The following USP6NL variants were observed in gnomAD, a reference collection of about 807,000 sequenced individuals.
USP6NL encodes USP6 N-terminal-like protein.
In USP6NL, 26 loss-of-function variants were observed where a neutral mutation model predicts 61.9. That is an observed-to-expected ratio of 0.42 (90% confidence interval 0.31 to 0.58). The LOEUF (loss-of-function observed/expected upper bound fraction) is 0.58, where lower values mean the gene tolerates loss of function less well. Among genes scored for constraint, USP6NL ranks in the 20% least tolerant of loss-of-function variants. The pLI is 0.16. For synonymous variants in USP6NL, 432 were observed against 390.1 expected (o/e 1.11, Z -1.27); for missense variants, 1,114 against 1,034.3 (o/e 1.08, Z -1.06).
rs749166148 is a variant in USP6NL at position 11,571,869 on chromosome 10, CA to C, written c.4+25761del. Among the ~76,000 whole-genome samples the C allele has an allele frequency of 2.0e-3, 268 of 132,934 alleles. 1 individual carries two copies. Among genetic ancestry groups the C allele is most frequent in the African/African-American group, 4.3e-3 (159 of 36,584 alleles). 87.2% of individuals were successfully genotyped at this position (132,934 alleles called of 152,430 possible). A position where few individuals can be genotyped will look rare whatever the true frequency, so the allele number is the denominator to read the frequency against. On this transcript the variant is annotated intron_variant, in intron 2 of 14. Transcript: ENST00000609104. ...CTATGTATATACTTCCTGTTTTTCA[CA>C]AAAAAAAAAACTGTCTGAAAAATTT... is the stretch of plus-strand genomic sequence containing the variant.
chr10:11,502,341 G>C (rs1216858549), intron 6 of USP6NL, among the ~76,000 whole-genome samples: 2 of 151,364 alleles, frequency 1.3e-5, no homozygotes, highest in African/African-American at 4.9e-5. Context: ...AGAATCTTAA[G>C]TTCAATACAC....
In USP6NL at chr10:11,518,552, T is replaced by G; in HGVS notation, c.178A>C (p.Asn60His). 6.2e-7 allele frequency: 1 copy of G among 1,613,106 alleles called. No individual in the cohort carries two copies. Among genetic ancestry groups the G allele is most frequent in the Non-Finnish European group, 8.5e-7 (1 of 1,179,634 alleles). The change falls in exon 5 of 15, where the codon AAT becomes CAT. Residue 60 changes from asparagine to histidine, a missense_variant. Asn to His is a moderately conservative substitution (Grantham distance 68). Transcript: ENST00000609104. This position sits in a 1 kb window ranked among gnomAD's most constrained non-coding sequence, Gnocchi z 5.3. ...FLHEEELPDH[N>H]VAVERQKHLE... Reference sequence around the variant, plus strand: ...GGACTTACCCGTTCCACAGCCACATTATGATCTGGGAGCTCCTCCTCACTG... The same window carrying G: ...GGACTTACCCGTTCCACAGCCACATGATGATCTGGGAGCTCCTCCTCACTG...
rs1837516900 is a variant in USP6NL at position 11,575,757 on chromosome 10, A to G, written c.4+21874T>C. Among the ~76,000 whole-genome samples the G allele has an allele frequency of 6.6e-6, 1 of 152,222 alleles. No individual in the cohort carries two copies. Among genetic ancestry groups the G allele is most frequent in the African/African-American group, 2.4e-5 (1 of 41,458 alleles). On this transcript the variant is annotated intron_variant, in intron 2 of 14. Coordinates refer to ENST00000609104, the MANE Select transcript of USP6NL (RefSeq NM_014688.5). This position sits in a 1 kb window ranked among gnomAD's most constrained non-coding sequence, Gnocchi z 4.2. The stretch of plus-strand genomic sequence containing the variant: ...TGCATCAGTAAGAATATCTGATCAC[A>G]TACTCTGATGTATGTAACTGAGCTG...
chr10:11,521,383 TTTTA>T (rs1835202294), intron 4 of USP6NL, among the ~76,000 whole-genome samples: 1 of 144,206 alleles, frequency 6.9e-6, no homozygotes, highest in African/African-American at 2.6e-5. Flanking sequence ...ATATATTTTT[TTTTA>T]AATTTTTTTT....
intron 5 of USP6NL, among the ~76,000 whole-genome samples, chr10:11,516,018 A>G (rs1157247519): frequency 6.6e-6 from 1 of 152,232 alleles, no homozygotes; most frequent in Non-Finnish European, 1.5e-5. Flanking sequence ...TCATAGTTTT[A>G]CATATCTATT....
chr10:11,518,636 A>G lies in USP6NL; in HGVS notation c.156-62T>C, dbSNP rs1272338410. Reference sequence around the variant, plus strand: ...AATCAAAACAAACTTTTAAAAGCTTATATACTTATAGATACATATGACATA... The same window carrying G: ...AATCAAAACAAACTTTTAAAAGCTTGTATACTTATAGATACATATGACATA... On this transcript the variant is annotated intron_variant, in intron 4 of 14. Coordinates refer to ENST00000609104, the MANE Select transcript of USP6NL (RefSeq NM_014688.5). The surrounding 1 kb of genome is among the most constrained non-coding windows in gnomAD (Gnocchi z 5.3). 5 of 1,259,294 alleles carry G rather than the reference A, an allele frequency of 4.0e-6. No individual in the cohort carries two copies. In the African/African-American group the frequency reaches 7.5e-5, roughly 19 times the overall value. 78.0% of individuals were successfully genotyped at this position (1,259,294 alleles called of 1,614,324 possible). A position where few individuals can be genotyped will look rare whatever the true frequency, so the allele number is the denominator to read the frequency against.
At chr10:11,527,987 A>G (rs770394806) in intron 2 of USP6NL, among the ~76,000 whole-genome samples, 6 of 152,172 alleles carry the variant, frequency 3.9e-5, no homozygotes, top group Non-Finnish European at 8.8e-5. Context: ...ACAAGATACA[A>G]TATTTATTTT....
chr10:11,573,575 AG>A (rs1211573032), intron 2 of USP6NL: 1 of 398,788 alleles, frequency 2.5e-6, no homozygotes, highest in Non-Finnish European at 4.4e-6. Flanking sequence ...GTGCCCTGAA[AG>A]TGCTTGATTG....
intron 2 of USP6NL, among the ~76,000 whole-genome samples, chr10:11,542,296 C>T (rs1836097549): frequency 6.6e-6 from 1 of 151,992 alleles, no homozygotes; most frequent in Non-Finnish European, 1.5e-5. Flanking sequence ...ACATAAAGAC[C>T]AACTGTAAAT....
At chr10:11,475,903 T>C (rs990870775) in intron 14 of USP6NL, among the ~76,000 whole-genome samples, 35 of 152,166 alleles carry the variant, frequency 2.3e-4, no homozygotes, top group African/African-American at 7.2e-4. Flanking sequence ...GGGACTCCTG[T>C]CTAATCTAAA....
chr10:11,468,697 T>G lies in USP6NL; in HGVS notation c.1079-4848A>C, dbSNP rs932895010. On this transcript the variant is annotated intron_variant, in intron 14 of 14. Coordinates refer to ENST00000609104, the MANE Select transcript of USP6NL (RefSeq NM_014688.5). This position sits in a 1 kb window ranked among gnomAD's most constrained non-coding sequence, Gnocchi z 4.5. ...AACACCTTTGAGGAAAATGTTGCCATGGCATGGTCTATTCCTATGTTGTGA... is the reference window on the plus strand; with the variant it reads ...AACACCTTTGAGGAAAATGTTGCCAGGGCATGGTCTATTCCTATGTTGTGA... Among the ~76,000 whole-genome samples, 7 of 152,266 alleles carry G rather than the reference T, an allele frequency of 4.6e-5. No individual in the cohort carries two copies. The highest frequency in any genetic ancestry group is 3.9e-4 in the Admixed American group (6 of 15,292).
chr10:11,540,319 G>A lies in USP6NL; in HGVS notation c.5-12752C>T, dbSNP rs1190103283. ...TTATGTTTTAAGTTGTGTGTTTTAG[G>A]ATAATAACAAGAAATGATCTGGAAA... On this transcript the variant is annotated intron_variant, in intron 2 of 14. Coordinates refer to ENST00000609104, the MANE Select transcript of USP6NL (RefSeq NM_014688.5). This position sits in a 1 kb window ranked among gnomAD's most constrained non-coding sequence, Gnocchi z 5.0. 6.6e-6 allele frequency among the ~76,000 whole-genome samples: 1 copy of A among 152,102 alleles called. No individual in the cohort carries two copies. The highest frequency in any genetic ancestry group is 1.5e-5 in the Non-Finnish European group (1 of 68,012).
At position 11,598,377 on chromosome 10, in the gene USP6NL, TC is replaced by T. The variant is rs1360206856; in HGVS notation, c.-83-661del. On this transcript the variant is annotated intron_variant, in intron 1 of 14. Coordinates refer to ENST00000609104, the MANE Select transcript of USP6NL (RefSeq NM_014688.5). This position sits in a 1 kb window ranked among gnomAD's most constrained non-coding sequence, Gnocchi z 4.7. ...ACTACACATAAAATTTTGTACTTGT[TC>T]CTTTCCACTTAAGAGCATAACATAA... 6.6e-6 allele frequency among the ~76,000 whole-genome samples: 1 copy of T among 152,208 alleles called. No individual in the cohort carries two copies. The highest frequency in any genetic ancestry group is 1.5e-5 in the Non-Finnish European group (1 of 68,020).
intron 2 of USP6NL, among the ~76,000 whole-genome samples, chr10:11,554,863 G>C (rs1234233841): frequency 6.7e-6 from 1 of 148,434 alleles, no homozygotes; most frequent in Non-Finnish European, 1.5e-5. Flanking sequence ...GCAGTGGTGC[G>C]ATCTCCACTC....
intron 1 of USP6NL, among the ~76,000 whole-genome samples, chr10:11,599,207 G>T (rs367828290): frequency 1.3e-5 from 2 of 152,290 alleles, no homozygotes; most frequent in African/African-American, 4.8e-5. Flanking sequence ...TGCTGACAAG[G>T]CAAGACAGTC....
chr10:11,485,901 G>C lies in USP6NL; in HGVS notation c.675C>G (p.Val225=). 6.5e-7 allele frequency: 1 copy of C among 1,543,932 alleles called. No individual in the cohort carries two copies. The highest frequency in any genetic ancestry group is 8.7e-7 in the Non-Finnish European group (1 of 1,145,496). The change falls in exon 11 of 15, where the codon GTC becomes GTG. Residue 225 remains valine, a synonymous_variant. Coordinates refer to ENST00000609104, the MANE Select transcript of USP6NL (RefSeq NM_014688.5). This position sits in a 1 kb window ranked among gnomAD's most constrained non-coding sequence, Gnocchi z 4.8. ...GPKHAMHGFF[V]QGFPKLLRFQ... The stretch of plus-strand genomic sequence containing the variant: ...ACCTCAAGAGTTTAGGAAAACCTTG[G>C]ACAAAAAAGCCTAGAATACAAACAT...
At chr10:11,492,540 A>G (rs576178059) in intron 8 of USP6NL, among the ~76,000 whole-genome samples, 13 of 152,324 alleles carry the variant, frequency 8.5e-5, no homozygotes, top group African/African-American at 2.6e-4. Context: ...GTCCTTTCCC[A>G]TGGCCTGCCC....
chr10:11,607,829 T>G (rs905655171), intron 1 of USP6NL, among the ~76,000 whole-genome samples: 7 of 152,248 alleles, frequency 4.6e-5, no homozygotes, highest in African/African-American at 1.2e-4. Context: ...AATTTTTAAT[T>G]TCACTGGCTG....
In USP6NL at chr10:11,487,089, T is replaced by C. The variant is rs951179090; in HGVS notation, c.665-1178A>G. ...GTATCTATCAGTGCCACTTTCATAG[T>C]CAATTTGATAGGAATGGAAGTTGAA... On this transcript the variant is annotated intron_variant, in intron 10 of 14. Transcript: ENST00000609104. This position sits in a 1 kb window ranked among gnomAD's most constrained non-coding sequence, Gnocchi z 4.2. 6.6e-6 allele frequency among the ~76,000 whole-genome samples: 1 copy of C among 152,048 alleles called. No homozygotes were observed. Among genetic ancestry groups the C allele is most frequent in the African/African-American group, 2.4e-5 (1 of 41,418 alleles).
Sources: gnomAD v4.1 joint callset for allele counts (sites outside exome capture counted in the v4.1 genomes callset) on GRCh38, gnomAD v4.1.1 for gene constraint, Gnocchi (gnomAD v3.1) non-coding constraint, MANE v1.5 for transcripts, NCBI Gene and HGNC (gene_info 2026-07-23, HGNC 2026-07-21) for gene names.